The following SEC14L1 variants were observed in gnomAD, a reference collection of about 807,000 sequenced individuals.
The protein encoded by SEC14L1 is SEC14 like lipid binding 1.
A neutral mutation model predicts 85.3 loss-of-function variants in SEC14L1; 48 were observed. The observed-to-expected ratio is 0.56, with a 90% CI of 0.45 to 0.72. SEC14L1 has a LOEUF of 0.72. SEC14L1 is among the 30% of genes least tolerant of loss of function. The pLI is 0.00. For synonymous variants in SEC14L1, 391 were observed against 355.5 expected, an observed-to-expected ratio of 1.10 and a Z score of -1.12; for missense variants, 682 against 921.4, an observed-to-expected ratio of 0.74 and a Z score of 3.36.
intron 3 of SEC14L1, among the ~76,000 whole-genome samples, chr17:77,154,343 G>A (rs1164538081): frequency 2.0e-5 from 3 of 152,126 alleles, no homozygotes; most frequent in East Asian, 1.9e-4. Context: ...GTGTGGTGGC[G>A]CATGCCCGTA....
chr17:77,213,229 A>G lies in SEC14L1; in HGVS notation c.1864-85A>G, dbSNP rs574704999. 3 of 1,151,202 alleles carry G rather than the reference A, an allele frequency of 2.6e-6. No homozygotes were observed. Among genetic ancestry groups the G allele is most frequent in the African/African-American group, 1.5e-5 (1 of 64,540 alleles). The allele number at this position is 1,151,202 out of a possible 1,614,324, so 71.3% of individuals were successfully genotyped here. On this transcript the variant is annotated intron_variant, in intron 15 of 16. Coordinates refer to ENST00000436233, the MANE Select transcript of SEC14L1 (RefSeq NM_001143998.2). This position sits in a 1 kb window ranked among gnomAD's most constrained non-coding sequence, Gnocchi z 7.1. ...CGTAGCTACATGAAATCCTAAAGAC[A>G]GTCCCCTTGGCGCTTGTCAGGCCTG...
At chr17:77,097,898 G>A (rs925653823) in intron 3 of SEC14L1, among the ~76,000 whole-genome samples, 1 of 152,150 alleles carries the variant, frequency 6.6e-6, no homozygotes, top group African/African-American at 2.4e-5. Context: ...GCCCCACTAC[G>A]GAGGAGCACG....
chr17:77,133,813 C>T (rs1160894326), intron 3 of SEC14L1, among the ~76,000 whole-genome samples: 1 of 151,696 alleles, frequency 6.6e-6, no homozygotes, highest in African/African-American at 2.4e-5. Context: ...GTGGCAAGCA[C>T]CTGTAGTCCC....
At chr17:77,201,509 G>A (rs1228553607) in intron 9 of SEC14L1, among the ~76,000 whole-genome samples, 5 of 149,026 alleles carry the variant, frequency 3.4e-5, no homozygotes, top group South Asian at 2.1e-4. Context: ...GGAGTCCAGT[G>A]GCAAGATCTC....
Position 77,096,669 on chromosome 17 carries a change from C to T in SEC14L1, c.-136+3322C>T, listed in dbSNP as rs73376316. 7.1e-3 allele frequency among the ~76,000 whole-genome samples: 1,087 copies of T among 152,198 alleles called. 12 individuals carry two copies. The highest frequency in any genetic ancestry group is 0.025 in the African/African-American group (1,041 of 41,524). Reference sequence around the variant, plus strand: ...TCTTCGTCCACTAGAGGATGTAATCCAACACCAGACTGTGTTCTCTGATGT... The same window carrying T: ...TCTTCGTCCACTAGAGGATGTAATCTAACACCAGACTGTGTTCTCTGATGT... On this transcript the variant is annotated intron_variant, in intron 3 of 19. Transcript: ENST00000392476.
intron 3 of SEC14L1, among the ~76,000 whole-genome samples, chr17:77,161,947 TAAAC>T (rs1260945048): frequency 2.7e-5 from 4 of 150,386 alleles, no homozygotes; most frequent in Non-Finnish European, 4.4e-5. Context: ...TTTTTTTTTT[TAAAC>T]AAACCCTTGT....
chr17:77,176,387 G>A (rs1974759821), intron 3 of SEC14L1, among the ~76,000 whole-genome samples: 1 of 152,244 alleles, frequency 6.6e-6, no homozygotes, highest in South Asian at 2.1e-4. Context: ...TGAGAAGGTG[G>A]GTTCTCAGTC....
chr17:77,195,306 G>GT (rs141600588), intron 7 of SEC14L1, among the ~76,000 whole-genome samples: 10,034 of 146,090 alleles, frequency 0.069, 432 homozygotes, highest in East Asian at 0.25. Context: ...TAAGGAAGGT[G>GT]TTTTTTTTTG....
intron 3 of SEC14L1, among the ~76,000 whole-genome samples, chr17:77,146,014 C>T (rs75856937): frequency 0.014 from 2,105 of 152,310 alleles, 51 homozygotes; most frequent in African/African-American, 0.047. Flanking sequence ...GTGACCAATT[C>T]CTGTCACATT....
At chr17:77,101,329 C>T (rs1390831792) in intron 3 of SEC14L1, among the ~76,000 whole-genome samples, 1 of 152,034 alleles carries the variant, frequency 6.6e-6, no homozygotes, top group Admixed American at 6.6e-5. Flanking sequence ...TACAGGCGCA[C>T]ACCACGCCAG....
intron 3 of SEC14L1, among the ~76,000 whole-genome samples, chr17:77,135,522 G>GTCTT (rs1478442418): frequency 6.6e-6 from 1 of 150,574 alleles, no homozygotes; most frequent in Non-Finnish European, 1.5e-5. Context: ...CTCTTTCTTT[G>GTCTT]TCTTCCTTCC....
At chr17:77,211,345 T>G (rs1249128774) in intron 14 of SEC14L1, 1 of 153,274 alleles carries the variant, frequency 6.5e-6, no homozygotes, top group African/African-American at 2.4e-5. Flanking sequence ...TATTCCCTCC[T>G]GGGTAGCTCT....
At chr17:77,192,734 C>T (rs993813900) in intron 5 of SEC14L1, among the ~76,000 whole-genome samples, 3 of 151,730 alleles carry the variant, frequency 2.0e-5, no homozygotes, top group Admixed American at 6.6e-5. Context: ...ACAATCAGTT[C>T]ACTGCAGCCT....
intron 3 of SEC14L1, among the ~76,000 whole-genome samples, chr17:77,155,947 C>T (rs992464162): frequency 4.6e-5 from 7 of 152,182 alleles, no homozygotes; most frequent in Non-Finnish European, 8.8e-5. Context: ...TGTCATTGGC[C>T]TTCTGCCTGT....
At position 77,214,413 on chromosome 17, in the gene SEC14L1, C is replaced by T; in HGVS notation, c.*390C>T. On this transcript the variant is annotated 3_prime_UTR_variant, in exon 17 of 17. Coordinates refer to ENST00000436233, the MANE Select transcript of SEC14L1 (RefSeq NM_001143998.2). Reference sequence around the variant, plus strand: ...TCCTGTGACATCCTCCAGAGATGGCCCCTCCTCACCTGGGACGGAAGCTGC... The same window carrying T: ...TCCTGTGACATCCTCCAGAGATGGCTCCTCCTCACCTGGGACGGAAGCTGC... 1.0e-6 allele frequency: 1 copy of T among 1,002,822 alleles called. No homozygotes were observed. Among genetic ancestry groups the T allele is most frequent in the Non-Finnish European group, 1.2e-6 (1 of 839,828 alleles). The allele number at this position is 1,002,822 out of a possible 1,614,324, so 62.1% of individuals were successfully genotyped here. A position where few individuals can be genotyped will look rare whatever the true frequency, so the allele number is the denominator to read the frequency against.
intron 3 of SEC14L1, among the ~76,000 whole-genome samples, chr17:77,114,203 C>T (rs1253187255): frequency 6.6e-6 from 1 of 152,224 alleles, no homozygotes; most frequent in Non-Finnish European, 1.5e-5. Context: ...GAGCCACTGC[C>T]TTCCCTCCAC....
chr17:77,165,464 C>T (rs762008483), intron 3 of SEC14L1, among the ~76,000 whole-genome samples: 65 of 152,076 alleles, frequency 4.3e-4, no homozygotes, highest in Non-Finnish European at 5.3e-4. Flanking sequence ...GTCTCCAGGT[C>T]GCAGGTGGGT....
At chr17:77,205,200 C>G in intron 10 of SEC14L1, 76 bp from the exon 11 acceptor site, 5 of 1,244,688 alleles carry the variant, frequency 4.0e-6, no homozygotes, top group Non-Finnish European at 5.9e-6. Context: ...CTGTTAGTGT[C>G]CCTCTTCCAT....
intron 3 of SEC14L1, among the ~76,000 whole-genome samples, chr17:77,130,952 C>A (rs1052782393): frequency 6.6e-6 from 1 of 152,120 alleles, no homozygotes; most frequent in Non-Finnish European, 1.5e-5. Flanking sequence ...TTTAGTTCAA[C>A]CCAACAGATA....
Sources: gnomAD v4.1 joint callset for allele counts (sites outside exome capture counted in the v4.1 genomes callset) on GRCh38, gnomAD v4.1.1 for gene constraint, Gnocchi (gnomAD v3.1) non-coding constraint, MANE v1.5 for transcripts, NCBI Gene and HGNC (gene_info 2026-07-23, HGNC 2026-07-21) for gene names.